Variants in THADA observed in about 807,000 individuals in gnomAD.
The protein encoded by THADA is tRNA (32-2'-O)-methyltransferase regulator THADA.
A neutral mutation model predicts 219.8 loss-of-function variants in THADA; 213 were observed. The ratio of observed to expected loss-of-function variants is 0.97; its 90% CI spans 0.87 to 1.09. The LOEUF (loss-of-function observed/expected upper bound fraction) is 1.09. Ranked by LOEUF, THADA falls within the 50% of genes least tolerant of loss-of-function variation. The pLI is 0.00. For synonymous variants in THADA, 1,018 were observed against 828.9 expected (o/e 1.23, Z -3.92); for missense variants, 2,956 against 2,311.3 (o/e 1.28, Z -5.72).
At chr2:43,366,160 A>G (rs1222784392) in intron 29 of THADA, among the ~76,000 whole-genome samples, 1 of 152,228 alleles carries the variant, frequency 6.6e-6, no homozygotes, top group Non-Finnish European at 1.5e-5. Flanking sequence ...TGAATTGCTA[A>G]TAGTTTCTCT....
rs758319003 is a variant in THADA, at chr2:43,527,969, T to G, written c.3284A>C (p.Tyr1095Ser). 2 of 1,612,570 alleles carry G rather than the reference T, an allele frequency of 1.2e-6. No homozygotes were observed. Among genetic ancestry groups the G allele is most frequent in the Admixed American group, 1.7e-5 (1 of 59,872 alleles). The change falls in exon 22 of 38, where the codon TAC becomes TCC. Residue 1095 changes from tyrosine (Y) to serine (S), a missense_variant. Tyr to Ser is a moderately radical substitution (Grantham distance 144). Coordinates refer to ENST00000405975, the MANE Select transcript of THADA (RefSeq NM_022065.5). ...GGACTGCAAAAGGTGTTGTTTAAAG[T>G]AATCTCCTATTTCTTTTACCTTTAA... The part of the protein sequence containing the change: ...TVEQVKEIGD[Y>S]FKQHLLQSRH...
In THADA at chr2:43,566,808, G is replaced by C; in HGVS notation, c.2201C>G (p.Ser734Cys). ...TGCTTCAAAAAGACTGTTACAAATG[G>C]ATGACATGAAATTCTTAAAAAAAAA... ...SLQQYKNFMSSICNSLFEALF... is the reference protein window; with the variant it reads ...SLQQYKNFMSCICNSLFEALF... The change falls in exon 15 of 38, where the codon TCC (serine) becomes TGC (cysteine). Residue 734 changes from serine to cysteine, a missense_variant. Physicochemically the swap from Ser to Cys is moderately radical, Grantham distance 112 (BLOSUM62 -1). Coordinates refer to ENST00000405975, the MANE Select transcript of THADA (RefSeq NM_022065.5). The C allele has an allele frequency of 6.9e-7, 1 of 1,443,854 alleles. No individual in the cohort carries two copies. The highest frequency in any genetic ancestry group is 9.1e-7 in the Non-Finnish European group (1 of 1,096,326). The allele number at this position is 1,443,854 out of a possible 1,614,324, so 89.4% of individuals were successfully genotyped here.
At chr2:43,500,913 C>A (rs1446092787) in intron 24 of THADA, among the ~76,000 whole-genome samples, 1 of 152,038 alleles carries the variant, frequency 6.6e-6, no homozygotes, top group Non-Finnish European at 1.5e-5. Context: ...AAATTAACTG[C>A]ATTCTTCTCA....
At chr2:43,452,411 C>G (rs1377880424) in intron 26 of THADA, among the ~76,000 whole-genome samples, 1 of 152,118 alleles carries the variant, frequency 6.6e-6, no homozygotes, top group Non-Finnish European at 1.5e-5. Flanking sequence ...TGAAGTGAGT[C>G]TCCCAACATC....
chr2:43,285,697 T>C (rs778566875), intron 35 of THADA, among the ~76,000 whole-genome samples: 5 of 151,892 alleles, frequency 3.3e-5, no homozygotes, highest in Non-Finnish European at 7.4e-5. Context: ...ATTACAGGCA[T>C]GTGCCACCAA....
At chr2:43,488,117 C>T (rs895623879) in intron 25 of THADA, among the ~76,000 whole-genome samples, 1 of 152,124 alleles carries the variant, frequency 6.6e-6, no homozygotes, top group Non-Finnish European at 1.5e-5. Flanking sequence ...ATAATTAGTT[C>T]ATGCCATACC....
chr2:43,532,697 A>T (rs1350691633), intron 21 of THADA, among the ~76,000 whole-genome samples: 2 of 152,228 alleles, frequency 1.3e-5, no homozygotes, highest in East Asian at 3.9e-4. Flanking sequence ...GGCACAAGAC[A>T]AGTATGCCCT....
At chr2:43,329,393 G>A (rs1679702841) in intron 30 of THADA, among the ~76,000 whole-genome samples, 1 of 152,180 alleles carries the variant, frequency 6.6e-6, no homozygotes, top group South Asian at 2.1e-4. Flanking sequence ...CCTGAGCTAT[G>A]TAAATCACAA....
At chr2:43,325,299 T>G (rs1179207438) in intron 30 of THADA, among the ~76,000 whole-genome samples, 2 of 82,792 alleles carry the variant, frequency 2.4e-5, no homozygotes, top group African/African-American at 6.9e-5. Context: ...TGGCTGCAGG[T>G]TTTTTTTTTT....
chr2:43,318,331 C>T (rs1210459238), intron 31 of THADA, among the ~76,000 whole-genome samples: 1 of 152,082 alleles, frequency 6.6e-6, no homozygotes, highest in Non-Finnish European at 1.5e-5. Flanking sequence ...TGAGCCACCA[C>T]ATCTGACCTT....
At chr2:43,520,996 G>A (rs1247124343) in intron 22 of THADA, among the ~76,000 whole-genome samples, 1 of 113,604 alleles carries the variant, frequency 8.8e-6, no homozygotes, top group Non-Finnish European at 1.8e-5. Flanking sequence ...AGGAAAGGGA[G>A]GAAAGGGAGG....
chr2:43,381,825 T>A (rs1026346190), intron 29 of THADA, among the ~76,000 whole-genome samples: 3 of 152,154 alleles, frequency 2.0e-5, no homozygotes, highest in African/African-American at 7.2e-5. Context: ...CCTCAAGTGA[T>A]CTGCCTGCCT....
chr2:43,448,817 G>A (rs959260628), intron 26 of THADA, among the ~76,000 whole-genome samples: 3 of 151,968 alleles, frequency 2.0e-5, no homozygotes, highest in South Asian at 4.2e-4. Flanking sequence ...TCAGAAATCA[G>A]CAAACCCTGA....
chr2:43,587,915 CTGAT>C (rs1701178271), intron 4 of THADA, among the ~76,000 whole-genome samples: 1 of 152,118 alleles, frequency 6.6e-6, no homozygotes, highest in South Asian at 2.1e-4. Flanking sequence ...TACATCAAAA[CTGAT>C]TGGCTTTGTT....
chr2:43,586,437 A>C lies in THADA; in HGVS notation c.497T>G (p.Leu166Arg), dbSNP rs1362826136. ...NNLLKNVLHFLQKSLIEILEE... is the reference protein window; with the variant it reads ...NNLLKNVLHFRQKSLIEILEE... ...CAGGATTTCAATTAAACTCTTCTGCAGAAAATGAAGCACTGAAACAAAAAG... is the reference window on the plus strand; with the variant it reads ...CAGGATTTCAATTAAACTCTTCTGCCGAAAATGAAGCACTGAAACAAAAAG... The change falls in exon 7 of 38, where the codon CTG (leucine) becomes CGG (arginine). Residue 166 changes from leucine (L) to arginine (R), a missense_variant. Leu to Arg is a moderately radical substitution (Grantham distance 102). Transcript: ENST00000405975. The C allele has an allele frequency of 6.3e-7, 1 of 1,579,632 alleles. No homozygotes were observed. Among genetic ancestry groups the C allele is most frequent in the Admixed American group, 1.9e-5 (1 of 53,978 alleles).
At chr2:43,345,432 A>G (rs1667530056) in intron 29 of THADA, among the ~76,000 whole-genome samples, 1 of 152,226 alleles carries the variant, frequency 6.6e-6, no homozygotes, top group South Asian at 2.1e-4. Flanking sequence ...TTCTAAACAG[A>G]AGTAACTGTA....
At chr2:43,480,747 G>A (rs1002587968) in intron 26 of THADA, among the ~76,000 whole-genome samples, 11 of 151,720 alleles carry the variant, frequency 7.3e-5, no homozygotes, top group Non-Finnish European at 4.4e-5. Context: ...GAACCCGGGA[G>A]GCAGAGGTTG....
At chr2:43,515,451 C>T (rs537374513) in intron 22 of THADA, among the ~76,000 whole-genome samples, 44 of 119,306 alleles carry the variant, frequency 3.7e-4, no homozygotes, top group African/African-American at 1.3e-3. Context: ...TGAATTCTAA[C>T]GAATTCGTGA....
chr2:43,428,116 C>A lies in THADA; in HGVS notation c.4042G>T (p.Val1348Phe). 1 of 1,609,514 alleles carries A rather than the reference C, an allele frequency of 6.2e-7. No individual in the cohort carries two copies. The highest frequency in any genetic ancestry group is 8.5e-7 in the Non-Finnish European group (1 of 1,177,386). Reference protein sequence around the residue: ...TSSALSMGPFVPFIMRCGHSP... With the variant: ...TSSALSMGPFFPFIMRCGHSP... Reference sequence around the variant, plus strand: ...TGACACTACCTCATAATGAAGGGAACAAAAGGTCCCATGCTGAGAGCAGAA... The same window carrying A: ...TGACACTACCTCATAATGAAGGGAAAAAAAGGTCCCATGCTGAGAGCAGAA... The change falls in exon 28 of 38, where the codon GTT becomes TTT. Residue 1348 changes from valine (V) to phenylalanine (F), a missense_variant. Physicochemically the swap from Val to Phe is conservative, Grantham distance 50. Coordinates refer to ENST00000405975, the MANE Select transcript of THADA (RefSeq NM_022065.5).
Sources: gnomAD v4.1 joint callset for allele counts (sites outside exome capture counted in the v4.1 genomes callset) on GRCh38, gnomAD v4.1.1 for gene constraint, MANE v1.5 for transcripts, NCBI Gene and HGNC (gene_info 2026-07-23, HGNC 2026-07-21) for gene names.